Variants in TSPAN18 observed in about 807,000 individuals in gnomAD.
The protein encoded by TSPAN18 is tetraspanin 18.
Under a neutral mutation model 27.3 loss-of-function variants are expected in TSPAN18, and 14 were observed. The ratio of observed to expected loss-of-function variants is 0.51; its 90% CI spans 0.34 to 0.80. The LOEUF (loss-of-function observed/expected upper bound fraction) is 0.80. Ranked by LOEUF, TSPAN18 falls within the 30% of genes least tolerant of loss-of-function variation. The pLI is 0.01. For missense variants in TSPAN18, 268 were observed against 323.9 expected, an observed-to-expected ratio of 0.83 and a Z score of 1.32; for synonymous variants, 143 against 136.5, an observed-to-expected ratio of 1.05 and a Z score of -0.33.
intron 3 of TSPAN18, among the ~76,000 whole-genome samples, chr11:44,861,451 T>G (rs1284017631): frequency 1.2e-4 from 1 of 8,306 alleles, no homozygotes; most frequent in Non-Finnish European, 2.3e-4. Context: ...TGGTCGGTGC[T>G]GGGGTGGGGG....
chr11:44,916,735 G>A (rs1859924987), intron 5 of TSPAN18, among the ~76,000 whole-genome samples: 1 of 152,094 alleles, frequency 6.6e-6, no homozygotes, highest in Non-Finnish European at 1.5e-5. Flanking sequence ...ATCGGGGGCA[G>A]GCAGGCAGGC....
chr11:44,831,043 G>A (rs986881650), intron 2 of TSPAN18, among the ~76,000 whole-genome samples: 20 of 152,180 alleles, frequency 1.3e-4, no homozygotes, highest in African/African-American at 1.9e-4. Flanking sequence ...AACCTAGGAG[G>A]TGGAAGTTGC....
At chr11:44,755,445 C>T (rs962569019) in intron 1 of TSPAN18, among the ~76,000 whole-genome samples, 2 of 151,916 alleles carry the variant, frequency 1.3e-5, no homozygotes, top group Non-Finnish European at 2.9e-5. Flanking sequence ...CTTCCCTCCC[C>T]CAGCCAGACA....
intron 1 of TSPAN18, among the ~76,000 whole-genome samples, chr11:44,743,318 A>C (rs1013226791): frequency 6.6e-6 from 1 of 152,196 alleles, no homozygotes; most frequent in Non-Finnish European, 1.5e-5. Context: ...GAAGAGCAGC[A>C]GGATCAGACC....
intron 2 of TSPAN18, among the ~76,000 whole-genome samples, chr11:44,788,296 G>A (rs996195360): frequency 7.2e-5 from 11 of 152,080 alleles, no homozygotes; most frequent in African/African-American, 1.7e-4. Context: ...TGCTGTCTAC[G>A]TGCGCTGTCC....
chr11:44,895,794 G>T (rs1318881866), intron 3 of TSPAN18, among the ~76,000 whole-genome samples: 2 of 152,206 alleles, frequency 1.3e-5, no homozygotes, highest in African/African-American at 4.8e-5. Flanking sequence ...CGGAGATGAG[G>T]CAGGGAATGG....
At chr11:44,869,696 C>T (rs367965342) in intron 3 of TSPAN18, among the ~76,000 whole-genome samples, 3 of 152,198 alleles carry the variant, frequency 2.0e-5, no homozygotes, top group African/African-American at 7.2e-5. Context: ...ACTCAGAGGC[C>T]GCAGACCACA....
rs1442146279 is a variant in TSPAN18, at chr11:44,931,990, C to CTCT, written c.*2814_*2816dup. On this transcript the variant is annotated 3_prime_UTR_variant, in exon 10 of 10. Transcript: ENST00000520358. Reference sequence around the variant, plus strand: ...CACTTTCCTGCTCTGAAGCTACTGCCTCTTAGAGAAAGGGAATAGCTCTTT... The same window carrying CTCT: ...CACTTTCCTGCTCTGAAGCTACTGCCTCTTCTTAGAGAAAGGGAATAGCTCTTT... 6.6e-6 allele frequency: 1 copy of CTCT among 152,308 alleles called. No homozygotes were observed. Among genetic ancestry groups the CTCT allele is most frequent in the Non-Finnish European group, 1.5e-5 (1 of 68,104 alleles). 9.4% of individuals were successfully genotyped at this position (152,308 alleles called of 1,614,324 possible). A position where few individuals can be genotyped will look rare whatever the true frequency, so the allele number is the denominator to read the frequency against.
intron 2 of TSPAN18, among the ~76,000 whole-genome samples, chr11:44,853,053 T>C (rs887428240): frequency 6.6e-6 from 1 of 152,314 alleles, no homozygotes; most frequent in East Asian, 1.9e-4. Flanking sequence ...GACTTGGGCA[T>C]TGGTAGTCTT....
At chr11:44,792,712 G>T (rs1798432104) in intron 2 of TSPAN18, among the ~76,000 whole-genome samples, 1 of 152,202 alleles carries the variant, frequency 6.6e-6, no homozygotes, top group Non-Finnish European at 1.5e-5. Flanking sequence ...CCCGGAAGAG[G>T]TGACACCTCA....
chr11:44,755,522 G>T (rs1434328833), intron 1 of TSPAN18, among the ~76,000 whole-genome samples: 2 of 152,056 alleles, frequency 1.3e-5, no homozygotes, highest in Non-Finnish European at 2.9e-5. Context: ...ATTAAGGGCT[G>T]CCCTGGGGTT....
At chr11:44,908,471 C>T (rs1211303703) in intron 4 of TSPAN18, among the ~76,000 whole-genome samples, 3 of 152,082 alleles carry the variant, frequency 2.0e-5, no homozygotes, top group Non-Finnish European at 2.9e-5. Flanking sequence ...CAGTGGCTCA[C>T]ACCTGTAATC....
chr11:44,783,756 CT>C (rs2076784427), intron 2 of TSPAN18, among the ~76,000 whole-genome samples: 1 of 152,208 alleles, frequency 6.6e-6, no homozygotes, highest in Non-Finnish European at 1.5e-5. Flanking sequence ...CTGTGTGGTC[CT>C]ACAAATCCCG....
chr11:44,729,712 A>C (rs1854604943), intron 1 of TSPAN18, among the ~76,000 whole-genome samples: 1 of 152,144 alleles, frequency 6.6e-6, no homozygotes, highest in Admixed American at 6.5e-5. Flanking sequence ...TGGGTTTAGG[A>C]TACCTTGGGG....
chr11:44,884,129 C>T (rs1038437768), intron 3 of TSPAN18, among the ~76,000 whole-genome samples: 3 of 152,134 alleles, frequency 2.0e-5, no homozygotes, highest in African/African-American at 7.2e-5. Context: ...CTCCAGCCTC[C>T]CTGCCCCTTC....
chr11:44,929,040 G>T, intron 9 of TSPAN18, 91 bp from the exon 10 acceptor site: 1 of 1,483,678 alleles, frequency 6.7e-7, no homozygotes, highest in Non-Finnish European at 9.4e-7. Flanking sequence ...AGAGTGACAG[G>T]CATTCACTCC....
intron 2 of TSPAN18, among the ~76,000 whole-genome samples, chr11:44,855,519 AT>A (rs1205124512): frequency 1.3e-5 from 2 of 151,456 alleles, no homozygotes; most frequent in Admixed American, 6.6e-5. Flanking sequence ...AAATGGCTTT[AT>A]TTTTTTTTCC....
chr11:44,896,793 C>CACCACCACT (rs1213761383), intron 3 of TSPAN18, among the ~76,000 whole-genome samples: 9 of 152,232 alleles, frequency 5.9e-5, no homozygotes, highest in African/African-American at 1.9e-4. Context: ...CCACCACCAC[C>CACCACCACT]ACCACCACTA....
chr11:44,803,378 C>T (rs576760184), intron 2 of TSPAN18, among the ~76,000 whole-genome samples: 24 of 152,114 alleles, frequency 1.6e-4, no homozygotes, highest in South Asian at 8.3e-4. Flanking sequence ...ATCCTCCCTT[C>T]GGGTGGGGAT....
Sources: allele counts gnomAD v4.1 joint callset (sites outside exome capture counted in the v4.1 genomes callset), GRCh38; gene constraint gnomAD v4.1.1; transcripts MANE v1.5; gene names NCBI Gene and HGNC (gene_info 2026-07-23, HGNC 2026-07-21).